FRMPD2: variants seen among roughly 807,000 people sequenced by gnomAD.
FRMPD2 encodes FERM and PDZ domain-containing protein 2.
FRMPD2 carries 96 observed loss-of-function variants against 140.1 expected under a neutral mutation model. The ratio of observed to expected loss-of-function variants is 0.69; its 90% CI spans 0.58 to 0.81. The LOEUF (loss-of-function observed/expected upper bound fraction) is 0.81. Ranked by LOEUF, FRMPD2 falls within the 40% of genes least tolerant of loss-of-function variation. The pLI, the probability that FRMPD2 is intolerant of heterozygous loss-of-function variation, is 0.00. For missense variants in FRMPD2, 1,240 were observed against 1,447.4 expected (o/e 0.86, Z 2.32); for synonymous variants, 449 against 547.6 (o/e 0.82, Z 2.52).
rs1186636823 is a variant in FRMPD2 at position 48,240,491 on chromosome 10, A to G, written c.569T>C (p.Val190Ala). 1.2e-6 allele frequency: 2 copies of G among 1,613,484 alleles called. No homozygotes were observed. The highest frequency in any genetic ancestry group is 1.7e-6 in the Non-Finnish European group (2 of 1,179,968). ...GCTTTCCTCCACAACTCTTTTCTCC[A>G]CCTGGGGGTCAAGTGCATCACACAT... ...VGLVLGTISE[V>A]EKRVVEESSS... The change falls in exon 6 of 29, where the codon GTG (valine) becomes GCG (alanine). Residue 190 changes from valine (V) to alanine (A), a missense_variant and splice_region_variant. Transcript: ENST00000374201.
rs965836575 is a variant in FRMPD2 at position 48,222,394 on chromosome 10, C to G, written c.1374G>C (p.Glu458Asp). 5.0e-6 allele frequency: 8 copies of G among 1,614,072 alleles called. No individual in the cohort carries two copies. The highest frequency in any genetic ancestry group is 5.1e-6 in the Non-Finnish European group (6 of 1,180,014). Residue 458 changes from glutamate to aspartate, a missense_variant, in exon 12 of 29, where the codon GAG becomes GAC. Physicochemically the swap from Glu to Asp is conservative, Grantham distance 45. This residue lies in a region of FRMPD2 where 1,161 missense variants were observed against 1,055.9 expected (regional missense o/e 1.10). Transcript: ENST00000374201. ...YLQLRKDILEERLYCNEEILL... is the reference protein window; with the variant it reads ...YLQLRKDILEDRLYCNEEILL... ...GTATCTCTTCATTGCAGTACAGCCT[C>G]TCCTCCAGGATATCTTTCCGAAGCT... is the stretch of plus-strand genomic sequence containing the variant.
intron 15 of FRMPD2, among the ~76,000 whole-genome samples, chr10:48,193,403 G>T (rs565759885): frequency 5.3e-5 from 8 of 152,264 alleles, no homozygotes; most frequent in African/African-American, 1.9e-4. Context: ...TTAATACAAG[G>T]TCCTATTTCC....
intron 13 of FRMPD2, 95 bp from the exon 14 acceptor site, chr10:48,207,028 C>T (rs1180104605): frequency 3.5e-5 from 37 of 1,063,694 alleles, no homozygotes; most frequent in East Asian, 7.7e-5. Context: ...CACTGATAGG[C>T]GTTCTGAAAA....
intron 12 of FRMPD2, among the ~76,000 whole-genome samples, chr10:48,215,042 GATTT>G (rs1234051388): frequency 6.6e-6 from 1 of 152,232 alleles, no homozygotes; most frequent in African/African-American, 2.4e-5. Context: ...TGATTAAGGA[GATTT>G]ATTTTTATAC....
chr10:48,172,385 G>A (rs1312900453), intron 25 of FRMPD2, among the ~76,000 whole-genome samples: 3 of 151,300 alleles, frequency 2.0e-5, no homozygotes, highest in Non-Finnish European at 2.9e-5. Context: ...GGTCCAAATC[G>A]TTCTTACTGA....
intron 13 of FRMPD2, among the ~76,000 whole-genome samples, chr10:48,210,385 T>G (rs1235142096): frequency 6.6e-6 from 1 of 152,246 alleles, no homozygotes; most frequent in Non-Finnish European, 1.5e-5. Flanking sequence ...TCTGTATTTT[T>G]GCTTCTCAGC....
chr10:48,229,618 T>C (rs1249378461), intron 10 of FRMPD2, among the ~76,000 whole-genome samples: 1 of 152,184 alleles, frequency 6.6e-6, no homozygotes, highest in African/African-American at 2.4e-5. Flanking sequence ...AGTTTTGATA[T>C]AAATGTTCCT....
At chr10:48,217,976 A>G (rs1356747052) in intron 12 of FRMPD2, among the ~76,000 whole-genome samples, 1 of 152,204 alleles carries the variant, frequency 6.6e-6, no homozygotes, top group Non-Finnish European at 1.5e-5. Flanking sequence ...CTTAAACAAT[A>G]GAAGTTCATT....
intron 13 of FRMPD2, among the ~76,000 whole-genome samples, chr10:48,208,073 C>CATCATT (rs988011426): frequency 6.6e-6 from 1 of 152,118 alleles, no homozygotes; most frequent in African/African-American, 2.4e-5. Flanking sequence ...TCATCATCAT[C>CATCATT]ATCAATATCC....
intron 12 of FRMPD2, among the ~76,000 whole-genome samples, chr10:48,220,704 A>G (rs1300167575): frequency 1.3e-5 from 2 of 152,246 alleles, no homozygotes; most frequent in Non-Finnish European, 2.9e-5. Context: ...CAAAGGACTA[A>G]TATCCAGAAC....
chr10:48,192,597 A>C, intron 16 of FRMPD2, 87 bp downstream of exon 16: 2 of 1,259,650 alleles, frequency 1.6e-6, no homozygotes, highest in South Asian at 2.6e-5. Flanking sequence ...TCTCAAAAAA[A>C]AAATAAAATA....
At chr10:48,267,004 A>G (rs1840688883) in intron 1 of FRMPD2, among the ~76,000 whole-genome samples, 1 of 151,012 alleles carries the variant, frequency 6.6e-6, no homozygotes, top group South Asian at 2.1e-4. Context: ...ATCAAGAGAG[A>G]CTGAGTGGGG....
chr10:48,240,830 G>T (rs181547367), intron 5 of FRMPD2, among the ~76,000 whole-genome samples: 33 of 152,250 alleles, frequency 2.2e-4, no homozygotes, highest in Admixed American at 2.2e-3. Context: ...TACCTCTGCC[G>T]TCTGATCACC....
chr10:48,159,041 G>A, intron 28 of FRMPD2: 1 of 363,456 alleles, frequency 2.8e-6, no homozygotes, highest in South Asian at 2.0e-5. Flanking sequence ...CTTGAAATAT[G>A]AAGGTATTAT....
chr10:48,200,153 TAA>T (rs1839049228), intron 15 of FRMPD2, among the ~76,000 whole-genome samples: 1 of 66,318 alleles, frequency 1.5e-5, no homozygotes, highest in Non-Finnish European at 2.7e-5. Context: ...CTAAAAAATA[TAA>T]ATAAATAAAT....
intron 12 of FRMPD2, among the ~76,000 whole-genome samples, chr10:48,212,398 A>G (rs1588833072): frequency 6.6e-6 from 1 of 152,176 alleles, no homozygotes; most frequent in African/African-American, 2.4e-5. Context: ...TACTCTGAAG[A>G]TGGCATTGTC....
chr10:48,218,933 C>G (rs1839516146), intron 12 of FRMPD2, among the ~76,000 whole-genome samples: 1 of 152,198 alleles, frequency 6.6e-6, no homozygotes, highest in African/African-American at 2.4e-5. Context: ...TCAAGCCAGC[C>G]TGAGCTTGAT....
chr10:48,204,616 T>C (rs906908613), intron 14 of FRMPD2, among the ~76,000 whole-genome samples: 1 of 152,222 alleles, frequency 6.6e-6, no homozygotes, highest in African/African-American at 2.4e-5. Context: ...ATAAAAATAT[T>C]ACTTGCTGGC....
At chr10:48,253,169 G>GAT (rs1257340261) in intron 1 of FRMPD2, among the ~76,000 whole-genome samples, 3 of 152,142 alleles carry the variant, frequency 2.0e-5, no homozygotes, top group Admixed American at 2.0e-4. Flanking sequence ...GGCTGGTGTG[G>GAT]ATAGTGAAGA....
Sources: gnomAD v4.1 joint callset for allele counts (sites outside exome capture counted in the v4.1 genomes callset) on GRCh38, gnomAD v4.1.1 for gene constraint, gnomAD v4.1.1 regional missense constraint, MANE v1.5 for transcripts, NCBI Gene and HGNC (gene_info 2026-07-23, HGNC 2026-07-21) for gene names.